CALN1: variants seen among roughly 807,000 people sequenced by gnomAD.
CALN1 encodes the protein calcium-binding protein 8.
In CALN1, 17 loss-of-function variants were observed where a neutral mutation model predicts 30.6. The observed-to-expected ratio is 0.56, with a 90% CI of 0.38 to 0.83. CALN1 has a LOEUF of 0.83. Ranked by LOEUF, CALN1 falls within the 40% of genes least tolerant of loss-of-function variation. The pLI is 0.00. For missense variants in CALN1, 291 were observed against 354.9 expected (o/e 0.82, Z 1.45); for synonymous variants, 156 against 131.4 (o/e 1.19, Z -1.28).
At chr7:71,892,263 C>T (rs144364826) in intron 5 of CALN1, among the ~76,000 whole-genome samples, 162 of 152,170 alleles carry the variant, frequency 1.1e-3, no homozygotes, top group African/African-American at 3.7e-3. Context: ...GATTATTGGC[C>T]ATCTATTTTT....
chr7:72,323,422 C>A (rs1055241233), intron 2 of CALN1, among the ~76,000 whole-genome samples: 2 of 152,182 alleles, frequency 1.3e-5, no homozygotes, highest in African/African-American at 4.8e-5. Context: ...GTTGGAAATG[C>A]CTGCTCCACG....
intron 2 of CALN1, among the ~76,000 whole-genome samples, chr7:72,320,952 C>G (rs1169528123): frequency 6.6e-6 from 1 of 151,924 alleles, no homozygotes; most frequent in Non-Finnish European, 1.5e-5. Context: ...GACTTTCAGC[C>G]AGGTATTTAA....
intron 4 of CALN1, among the ~76,000 whole-genome samples, chr7:72,088,917 C>A (rs2079479649): frequency 6.6e-6 from 1 of 151,928 alleles, no homozygotes; most frequent in Non-Finnish European, 1.5e-5. Context: ...AGGATTAATG[C>A]TTGAAGTAGA....
chr7:72,033,684 G>A (rs776973585), intron 4 of CALN1, among the ~76,000 whole-genome samples: 51 of 152,318 alleles, frequency 3.3e-4, no homozygotes, highest in South Asian at 1.0e-3. Context: ...ATGCTGGATA[G>A]AGGATCCCCA....
intron 4 of CALN1, among the ~76,000 whole-genome samples, chr7:72,030,588 A>C (rs914435490): frequency 6.6e-6 from 1 of 152,108 alleles, no homozygotes; most frequent in Non-Finnish European, 1.5e-5. Flanking sequence ...AACGGAAACA[A>C]ATAGAATCTC....
At chr7:72,262,961 C>T (rs780906910) in intron 3 of CALN1, among the ~76,000 whole-genome samples, 22 of 152,168 alleles carry the variant, frequency 1.4e-4, no homozygotes, top group Non-Finnish European at 2.5e-4. Flanking sequence ...CCAGATTCTT[C>T]CATTTACTGA....
chr7:72,194,757 G>T (rs1294704093), intron 3 of CALN1, among the ~76,000 whole-genome samples: 2 of 151,666 alleles, frequency 1.3e-5, no homozygotes, highest in African/African-American at 4.8e-5. Context: ...ACGGCCAGCT[G>T]ATTTTTGTAT....
chr7:72,256,021 C>T (rs1357966490), intron 3 of CALN1, among the ~76,000 whole-genome samples: 1 of 152,246 alleles, frequency 6.6e-6, no homozygotes, highest in Non-Finnish European at 1.5e-5. Flanking sequence ...AGCCACCGCG[C>T]CCTGCCTAAA....
chr7:72,098,830 G>A (rs1311192497), intron 4 of CALN1, among the ~76,000 whole-genome samples: 1 of 148,164 alleles, frequency 6.7e-6, no homozygotes. Context: ...GGGCAAACTG[G>A]CTCCAGGCCA....
intron 4 of CALN1, among the ~76,000 whole-genome samples, chr7:72,102,661 C>T (rs887866526): frequency 6.6e-6 from 1 of 152,060 alleles, no homozygotes; most frequent in Non-Finnish European, 1.5e-5. Context: ...CAAAGGAAGG[C>T]AAATTATATG....
At chr7:71,792,499 T>C (rs1786627869) in intron 6 of CALN1, among the ~76,000 whole-genome samples, 1 of 152,170 alleles carries the variant, frequency 6.6e-6, no homozygotes, top group Admixed American at 6.5e-5. Flanking sequence ...CAAATAATGC[T>C]GTTTAGGTGT....
intron 3 of CALN1, among the ~76,000 whole-genome samples, chr7:72,206,816 C>T (rs1791921796): frequency 1.3e-5 from 2 of 152,116 alleles, no homozygotes; most frequent in Non-Finnish European, 2.9e-5. Context: ...GCTTATTCAG[C>T]CTTTAATAAG....
At chr7:71,840,237 A>G (rs546740599) in intron 5 of CALN1, among the ~76,000 whole-genome samples, 1 of 152,264 alleles carries the variant, frequency 6.6e-6, no homozygotes, top group Non-Finnish European at 1.5e-5. Context: ...CTGAAGCAGG[A>G]GCATTGCTTG....
At chr7:71,829,759 G>A (rs755364471) in intron 5 of CALN1, among the ~76,000 whole-genome samples, 1 of 152,220 alleles carries the variant, frequency 6.6e-6, no homozygotes, top group Non-Finnish European at 1.5e-5. Context: ...TTTGCAGTCT[G>A]CACTGTCTGG....
chr7:72,293,582 G>A (rs959609244), intron 2 of CALN1, among the ~76,000 whole-genome samples: 1 of 152,144 alleles, frequency 6.6e-6, no homozygotes, highest in African/African-American at 2.4e-5. Flanking sequence ...GCCCTACCAT[G>A]CAGGGTAGCA....
chr7:71,876,678 C>CAACTAACCTA lies in CALN1; in HGVS notation c.502-66196_502-66187dup, dbSNP rs1242775782. 3.9e-5 allele frequency among the ~76,000 whole-genome samples: 6 copies of CAACTAACCTA among 152,090 alleles called. No individual in the cohort carries two copies. The East Asian group carries it at 9.7e-4, about 25-fold the overall frequency. On this transcript the variant is annotated intron_variant, in intron 5 of 6. Coordinates refer to ENST00000395275, the MANE Select transcript of CALN1 (RefSeq NM_031468.4). ...ACCCCGGGTGTCCTCCCCTCCACTC[C>CAACTAACCTA]AACTAACCTAAATGAATCTACATAA...
At chr7:72,260,201 G>C (rs549541745) in intron 3 of CALN1, among the ~76,000 whole-genome samples, 13 of 152,168 alleles carry the variant, frequency 8.5e-5, no homozygotes, top group Non-Finnish European at 1.3e-4. Context: ...TCTGTTTCTG[G>C]AAAAAATAAA....
At chr7:72,256,673 C>T (rs1206494919) in intron 3 of CALN1, among the ~76,000 whole-genome samples, 1 of 151,966 alleles carries the variant, frequency 6.6e-6, no homozygotes, top group Non-Finnish European at 1.5e-5. Flanking sequence ...ATGGCACCAT[C>T]ATAGCTCACT....
chr7:72,364,383 G>A (rs1034351894), intron 2 of CALN1, among the ~76,000 whole-genome samples: 8 of 152,196 alleles, frequency 5.3e-5, no homozygotes, highest in African/African-American at 1.4e-4. Flanking sequence ...ATATCTACAG[G>A]AATTACAACT....
Sources: allele counts gnomAD v4.1 joint callset (sites outside exome capture counted in the v4.1 genomes callset), GRCh38; gene constraint gnomAD v4.1.1; transcripts MANE v1.5; gene names NCBI Gene and HGNC (gene_info 2026-07-23, HGNC 2026-07-21).